The following ATP7B variants were observed in gnomAD, a reference collection of about 807,000 sequenced individuals.
ATP7B encodes the protein copper-transporting ATPase 2.
A neutral mutation model predicts 118.9 loss-of-function variants in ATP7B; 113 were observed. That is an observed-to-expected ratio of 0.95 (90% confidence interval 0.82 to 1.11). The LOEUF (loss-of-function observed/expected upper bound fraction) is 1.11, where lower values mean the gene tolerates loss of function less well. Among genes scored for constraint, ATP7B ranks in the 50% most tolerant of loss-of-function variants. The pLI, the probability that ATP7B is intolerant of heterozygous loss-of-function variation, is 0.00. For synonymous variants in ATP7B, 777 were observed against 727.4 expected (o/e 1.07, Z -1.10); for missense variants, 1,867 against 1,871.4 (o/e 1.00, Z 0.04).
Position 51,933,169 on chromosome 13 carries a change from C to T in ATP7B, c.*1587G>A, listed in dbSNP as rs1956791152. On this transcript the variant is annotated 3_prime_UTR_variant, in exon 21 of 21. Coordinates refer to ENST00000242839, the MANE Select transcript of ATP7B (RefSeq NM_000053.4). The stretch of plus-strand genomic sequence containing the variant: ...GATTTGTTCTTCCAGGAGGCAAGGA[C>T]CTTTTCCTCGTTTATTCTTATCAGG... The T allele has an allele frequency of 1.3e-5, 2 of 152,186 alleles. No individual in the cohort carries two copies. Among genetic ancestry groups the T allele is most frequent in the Admixed American group, 1.3e-4 (2 of 15,280 alleles). The allele number at this position is 152,186 out of a possible 1,614,324, so 9.4% of individuals were successfully genotyped here.
chr13:51,979,292 T>G (rs1038260377), intron 1 of ATP7B, among the ~76,000 whole-genome samples: 4 of 152,168 alleles, frequency 2.6e-5, no homozygotes. Flanking sequence ...GGACTACCTG[T>G]GTGAAACAAG....
intron 1 of ATP7B, among the ~76,000 whole-genome samples, chr13:51,996,162 C>A (rs948989106): frequency 2.0e-5 from 3 of 152,178 alleles, no homozygotes; most frequent in Non-Finnish European, 4.4e-5. Context: ...TTCCATGTTT[C>A]CTGTAGCTTT....
At chr13:52,002,889 C>CA (rs538533824) in intron 1 of ATP7B, among the ~76,000 whole-genome samples, 1 of 152,050 alleles carries the variant, frequency 6.6e-6, no homozygotes, top group African/African-American at 2.4e-5. Context: ...TATGTTATGG[C>CA]AAAAAAATGC....
At chr13:51,946,149 G>T in intron 13 of ATP7B, 135 bp downstream of exon 13, 2 of 1,227,118 alleles carry the variant, frequency 1.6e-6, no homozygotes, top group Non-Finnish European at 2.2e-6. Flanking sequence ...GTTATTCCCA[G>T]TTATACTTGA....
chr13:52,011,840 G>A (rs571105105), upstream of ATP7B, among the ~76,000 whole-genome samples: 43 of 152,370 alleles, frequency 2.8e-4, no homozygotes, highest in African/African-American at 9.9e-4. Flanking sequence ...GAGGGCAGGT[G>A]AGCTGCGCAG....
intron 9 of ATP7B, among the ~76,000 whole-genome samples, chr13:51,955,250 G>A (rs1958263159): frequency 6.6e-6 from 1 of 152,214 alleles, no homozygotes; most frequent in African/African-American, 2.4e-5. Context: ...GGAAACCAGT[G>A]TCCAGTGCAC....
intron 16 of ATP7B, among the ~76,000 whole-genome samples, chr13:51,940,766 T>C (rs1377742526): frequency 6.6e-6 from 1 of 152,150 alleles, no homozygotes; most frequent in East Asian, 1.9e-4. Flanking sequence ...TCCTGCTCTG[T>C]CTGCAGGGAT....
At chr13:51,975,412 C>A (rs1163549269) in intron 1 of ATP7B, 5 of 673,246 alleles carry the variant, frequency 7.4e-6, no homozygotes, top group Admixed American at 5.4e-5. Flanking sequence ...CGTTCTCACA[C>A]AACAGACGTG....
chr13:51,997,074 G>C (rs531092405), intron 1 of ATP7B, among the ~76,000 whole-genome samples: 1 of 152,140 alleles, frequency 6.6e-6, no homozygotes, highest in Non-Finnish European at 1.5e-5. Context: ...AATACATCAG[G>C]TGCATCTGTG....
chr13:51,970,816 T>C (rs1373229710), intron 2 of ATP7B, 67 bp from the exon 3 acceptor site: 1 of 1,549,432 alleles, frequency 6.5e-7, no homozygotes, highest in African/African-American at 1.4e-5. Flanking sequence ...GAACAAGAGG[T>C]TTCAGGGCTC....
intron 1 of ATP7B, among the ~76,000 whole-genome samples, chr13:52,001,771 T>C (rs1953501293): frequency 6.6e-6 from 1 of 150,904 alleles, no homozygotes; most frequent in Admixed American, 6.7e-5. Context: ...AGGATATAAG[T>C]TTCACAAGTG....
upstream of ATP7B, chr13:52,011,559 G>A: frequency 1.6e-6 from 1 of 636,916 alleles, no homozygotes; most frequent in South Asian, 1.8e-5. Context: ...AAAGTTGCGC[G>A]CCGCCGTCCT....
intron 6 of ATP7B, among the ~76,000 whole-genome samples, 195 bp from the exon 7 acceptor site, chr13:51,960,517 A>C (rs934765035): frequency 3.9e-5 from 6 of 152,174 alleles, no homozygotes; most frequent in African/African-American, 1.4e-4. Flanking sequence ...AGAGGTCTAA[A>C]CATCACTATA....
rs919672405 is a variant in ATP7B at position 51,960,087 on chromosome 13, G to T, written c.2121+61C>A. 13 of 1,573,862 alleles carry T rather than the reference G, an allele frequency of 8.3e-6. No homozygotes were observed. In the African/African-American group the frequency reaches 1.8e-4, roughly 21 times the overall value. Reference sequence around the variant, plus strand: ...GCACTATGTTTGCGCTTAGCGGGCAGAATATCTGAGGGCCACACACAGCAT... The same window carrying T: ...GCACTATGTTTGCGCTTAGCGGGCATAATATCTGAGGGCCACACACAGCAT... On this transcript the variant is annotated intron_variant, in intron 7 of 20. Transcript: ENST00000242839.
intron 1 of ATP7B, among the ~76,000 whole-genome samples, chr13:51,989,276 A>G (rs1472721800): frequency 2.6e-5 from 4 of 152,160 alleles, no homozygotes; most frequent in Non-Finnish European, 5.9e-5. Context: ...GTCCAAAAAG[A>G]CTTTCCACTG....
intron 1 of ATP7B, among the ~76,000 whole-genome samples, chr13:51,999,837 G>C (rs555914033): frequency 6.6e-6 from 1 of 152,088 alleles, no homozygotes; most frequent in Non-Finnish European, 1.5e-5. Flanking sequence ...CTCACCCTTC[G>C]CTCTCCGAGA....
chr13:51,946,395 G>A lies in ATP7B; in HGVS notation c.2949C>T (p.Cys983=). The change falls in exon 13 of 21, where the codon TGC becomes TGT. Residue 983 remains cysteine (C), a synonymous_variant. Coordinates refer to ENST00000242839, the MANE Select transcript of ATP7B (RefSeq NM_000053.4). ...GCGTGGCCAGCCCCAGGGAGCAGGG[G>A]CAGGCAATGCACAGCACCGTGATGG... The part of the protein sequence containing the change: ...QTSITVLCIA[C]PCSLGLATPT... 2 of 1,614,066 alleles carry A rather than the reference G, an allele frequency of 1.2e-6. No homozygotes were observed. The highest frequency in any genetic ancestry group is 1.7e-6 in the Non-Finnish European group (2 of 1,180,046).
intron 15 of ATP7B, among the ~76,000 whole-genome samples, chr13:51,941,528 T>C (rs1184436635): frequency 6.6e-6 from 1 of 152,230 alleles, no homozygotes; most frequent in African/African-American, 2.4e-5. Flanking sequence ...TGATTCTTTT[T>C]CTGCAGGGAT....
intron 1 of ATP7B, among the ~76,000 whole-genome samples, chr13:51,979,370 A>G (rs1191441515): frequency 2.6e-5 from 4 of 152,254 alleles, no homozygotes; most frequent in Non-Finnish European, 5.9e-5. Flanking sequence ...AAGCTAGTAC[A>G]GAATTTGAGG....
Sources: allele counts gnomAD v4.1 joint callset (sites outside exome capture counted in the v4.1 genomes callset), GRCh38; gene constraint gnomAD v4.1.1; transcripts MANE v1.5; gene names NCBI Gene and HGNC (gene_info 2026-07-23, HGNC 2026-07-21).